Variants in TTI2 observed in about 807,000 individuals in gnomAD.
The protein encoded by TTI2 is TELO2 interacting protein 2.
Under a neutral mutation model 44.9 loss-of-function variants are expected in TTI2, and 26 were observed. The ratio of observed to expected loss-of-function variants is 0.58; its 90% CI spans 0.42 to 0.80. TTI2 has a LOEUF of 0.80. Ranked by LOEUF, TTI2 falls within the 30% of genes least tolerant of loss-of-function variation. The pLI, the probability that TTI2 is intolerant of heterozygous loss-of-function variation, is 0.00. For synonymous variants in TTI2, 254 were observed against 250.9 expected (o/e 1.01, Z -0.12); for missense variants, 582 against 611.6 (o/e 0.95, Z 0.51).
At chr8:33,510,069 T>C in intron 2 of TTI2, 137 bp from the exon 3 acceptor site, 1 of 707,296 alleles carries the variant, frequency 1.4e-6, no homozygotes, top group Non-Finnish European at 2.4e-6. Flanking sequence ...AGATAACTCT[T>C]GATTCTATAT....
rs201577994 is a variant in TTI2, at chr8:33,500,351, G to C, written c.1399C>G (p.Arg467Gly). ...EATDCLILLD[R>G]CSQGRVKGLL... is the part of the protein sequence containing the mutation. ...ACCTTTACCCGTCCTTGAGAACAGC[G>C]GTCCAGGAGAATCAGGCAGTCTGTG... is the stretch of plus-strand genomic sequence containing the variant. The change falls in exon 7 of 8, where the codon CGC becomes GGC. Residue 467 changes from arginine (R) to glycine (G), a missense_variant. Transcript: ENST00000431156. The C allele has an allele frequency of 8.1e-6, 13 of 1,614,072 alleles. No individual in the cohort carries two copies. Among genetic ancestry groups the C allele is most frequent in the Non-Finnish European group, 9.3e-6 (11 of 1,180,010 alleles).
At chr8:33,511,157 C>T (rs1809514106) in intron 2 of TTI2, among the ~76,000 whole-genome samples, 1 of 152,060 alleles carries the variant, frequency 6.6e-6, no homozygotes, top group African/African-American at 2.4e-5. Flanking sequence ...ATTCTACTGC[C>T]TCAGCCTCCC....
At chr8:33,506,121 T>A (rs189293575) in intron 4 of TTI2, among the ~76,000 whole-genome samples, 1 of 152,294 alleles carries the variant, frequency 6.6e-6, no homozygotes, top group East Asian at 1.9e-4. Context: ...TCTAATGCAG[T>A]CATCATTCTG....
Position 33,512,714 on chromosome 8 carries a change from T to A in TTI2, c.-99-2A>T. The A allele has an allele frequency of 1.6e-6, 2 of 1,284,782 alleles. No individual in the cohort carries two copies. The highest frequency in any genetic ancestry group is 2.2e-6 in the Non-Finnish European group (2 of 928,460). 79.6% of individuals were successfully genotyped at this position (1,284,782 alleles called of 1,614,324 possible). ...GAAGGAGCGATCACCCAAAGAGAAC[T>A]AAAATCAAATAAAATAAAACAGAGA... On this transcript the variant is annotated splice_acceptor_variant, in intron 1 of 7. Coordinates refer to ENST00000431156, the MANE Select transcript of TTI2 (RefSeq NM_001102401.4). LOFTEE classifies it low-confidence loss of function (5UTR_SPLICE).
At chr8:33,505,555 T>C (rs923940876) in intron 4 of TTI2, among the ~76,000 whole-genome samples, 10 of 151,914 alleles carry the variant, frequency 6.6e-5, no homozygotes, top group Non-Finnish European at 1.3e-4. Context: ...AATGGCATGA[T>C]CTCGGCTCAC....
Position 33,511,489 on chromosome 8 carries a change from T to C in TTI2, c.647+478A>G, listed in dbSNP as rs111374896. On this transcript the variant is annotated intron_variant, in intron 2 of 7. Coordinates refer to ENST00000431156, the MANE Select transcript of TTI2 (RefSeq NM_001102401.4). The stretch of plus-strand genomic sequence containing the variant: ...AATTTGCCACTATCCAGTTATGTCA[T>C]TTATAGCAAATCACAACGTTTCTGG... Among the ~76,000 whole-genome samples, 1,150 of 152,328 alleles carry C rather than the reference T, an allele frequency of 7.5e-3. 21 individuals carry two copies. Among genetic ancestry groups the C allele is most frequent in the African/African-American group, 0.026 (1,099 of 41,570 alleles).
rs759628656 is a variant in TTI2 at position 33,503,515 on chromosome 8, A to G, written c.1173T>C (p.Tyr391=). Residue 391 remains tyrosine, a synonymous_variant, in exon 6 of 8, where the codon TAT becomes TAC. Transcript: ENST00000431156. ...LKRLERVIIG[Y]LEVYDGPEEE... is the part of the protein sequence containing the mutation. ...CCTCAGGTCCATCATAAACCTCCAG[A>G]TAACCAATGATGACTCTCTCCAGCC... 7.4e-6 allele frequency: 12 copies of G among 1,614,128 alleles called. No homozygotes were observed. The highest frequency in any genetic ancestry group is 1.0e-5 in the Non-Finnish European group (12 of 1,180,036).
intron 2 of TTI2, 85 bp from the exon 3 acceptor site, chr8:33,510,017 G>C: frequency 9.2e-7 from 1 of 1,085,456 alleles, no homozygotes; most frequent in Non-Finnish European, 1.3e-6. Flanking sequence ...AAGCTAAACA[G>C]AGTATTTTCA....
At chr8:33,509,067 C>T (rs368046282) in intron 3 of TTI2, among the ~76,000 whole-genome samples, 4 of 142,474 alleles carry the variant, frequency 2.8e-5, no homozygotes, top group Admixed American at 7.5e-5. Flanking sequence ...CACTTGAACC[C>T]GGGAGGCAGA....
rs1585325371 is a variant in TTI2, at chr8:33,503,795, A to G, written c.1068T>C (p.Leu356=). The G allele has an allele frequency of 6.2e-7, 1 of 1,614,070 alleles. No homozygotes were observed. Among genetic ancestry groups the G allele is most frequent in the Non-Finnish European group, 8.5e-7 (1 of 1,180,018 alleles). The change falls in exon 5 of 8, where the codon CTT becomes CTC. Residue 356 remains leucine, a synonymous_variant. Transcript: ENST00000431156. ...TTCTTGCGTAGGTCCTGCGTAAAAG[A>G]AGGCGGTGCTCTGGCTCCATGTGGG... ...ILTHMEPEHR[L]LLRRTYARNL...
At chr8:33,511,889 C>G in intron 2 of TTI2, 78 bp downstream of exon 2, 1 of 1,490,756 alleles carries the variant, frequency 6.7e-7, no homozygotes, top group Non-Finnish European at 9.1e-7. Context: ...AACTCTGTCT[C>G]GAAAATAAAT....
At chr8:33,501,850 T>G (rs1043449282) in intron 6 of TTI2, among the ~76,000 whole-genome samples, 10 of 152,244 alleles carry the variant, frequency 6.6e-5, no homozygotes, top group African/African-American at 1.9e-4. Flanking sequence ...CTCCACAGTT[T>G]GGGTTCCAGT....
At chr8:33,500,061 G>T in intron 7 of TTI2, 1 of 310,720 alleles carries the variant, frequency 3.2e-6, no homozygotes, top group Middle Eastern at 9.8e-4. Flanking sequence ...TGATCATAAT[G>T]CTTTTGCCCA....
chr8:33,512,533 T>C lies in TTI2; in HGVS notation c.81A>G (p.Gly27=), dbSNP rs778643127. 6.2e-7 allele frequency: 1 copy of C among 1,614,120 alleles called. No individual in the cohort carries two copies. The highest frequency in any genetic ancestry group is 8.5e-7 in the Non-Finnish European group (1 of 1,180,038). ...AGTGTAAAATCTTGGAGAAGGCCTG[T>C]CCAAAGGCGGAGTGAGACAACTCCT... ...LSEELSHSAF[G]QAFSKILHCL... The change falls in exon 2 of 8, where the codon GGA becomes GGG. Residue 27 remains glycine (G), a synonymous_variant. Coordinates refer to ENST00000431156, the MANE Select transcript of TTI2 (RefSeq NM_001102401.4).
intron 2 of TTI2, 109 bp downstream of exon 2, chr8:33,511,858 C>T (rs766829616): frequency 7.7e-7 from 1 of 1,295,048 alleles, no homozygotes; most frequent in Non-Finnish European, 1.1e-6. Context: ...CATTGCACTC[C>T]ACCCTGGGCA....
At chr8:33,509,285 C>T (rs6992203) in intron 3 of TTI2, among the ~76,000 whole-genome samples, 8,471 of 151,236 alleles carry the variant, frequency 0.056, 391 homozygotes, top group African/African-American at 0.13. Context: ...GGTGAAACCC[C>T]ATCTCTACTA....
At position 33,503,936 on chromosome 8, in the gene TTI2, C is replaced by T. The variant is rs1402574125; in HGVS notation, c.928-1G>A. ...AATCCAGCAGACACAGGAGCACAGC[C>T]TAGGAGGAAGGAATGGAAGGACGGT... On this transcript the variant is annotated splice_acceptor_variant, in intron 4 of 7. Coordinates refer to ENST00000431156, the MANE Select transcript of TTI2 (RefSeq NM_001102401.4). LOFTEE classifies it high-confidence loss of function. 2 of 1,613,936 alleles carry T rather than the reference C, an allele frequency of 1.2e-6. No homozygotes were observed. Among genetic ancestry groups the T allele is most frequent in the South Asian group, 2.2e-5 (2 of 91,076 alleles).
intron 7 of TTI2, chr8:33,499,839 T>C (rs1809000089): frequency 1.3e-5 from 2 of 157,218 alleles, no homozygotes; most frequent in Non-Finnish European, 2.8e-5. Flanking sequence ...AGAAGTTAAC[T>C]TTTGTGGAAT....
Position 33,499,034 on chromosome 8 carries a change from TAAAAG to T in TTI2, c.*134_*138del. ...TCTACTTTCCCTATTCTTATGGAGG[TAAAAG>T]GAAAGGAAGGAAGGAAAAAGCAGCT... On this transcript the variant is annotated 3_prime_UTR_variant, in exon 8 of 8. Transcript: ENST00000431156. 2.9e-6 allele frequency: 2 copies of T among 680,960 alleles called. No homozygotes were observed. The highest frequency in any genetic ancestry group is 1.6e-5 in the South Asian group (1 of 61,654). 42.2% of individuals were successfully genotyped at this position (680,960 alleles called of 1,614,324 possible).
Sources: allele counts gnomAD v4.1 joint callset (sites outside exome capture counted in the v4.1 genomes callset), GRCh38; gene constraint gnomAD v4.1.1; transcripts MANE v1.5; gene names NCBI Gene and HGNC (gene_info 2026-07-23, HGNC 2026-07-21).